Variants in BNC2 observed in about 807,000 individuals in gnomAD.
BNC2 encodes basonuclin zinc finger protein 2.
BNC2 carries 20 observed loss-of-function variants against 76.3 expected under a neutral mutation model. The observed-to-expected ratio is 0.26, with a 90% confidence interval of 0.18 to 0.38. The LOEUF is 0.38. BNC2 is among the 10% of genes least tolerant of loss of function. The pLI, the probability that BNC2 is intolerant of heterozygous loss-of-function variation, is 1.00. For synonymous variants in BNC2, 582 were observed against 514.8 expected (o/e 1.13, Z -1.77); for missense variants, 1,382 against 1,399.8 (o/e 0.99, Z 0.20).
At chr9:16,448,048 G>T (rs541948570) in intron 5 of BNC2, among the ~76,000 whole-genome samples, 1 of 152,200 alleles carries the variant, frequency 6.6e-6, no homozygotes, top group East Asian at 1.9e-4. Context: ...GACAGTCCCT[G>T]CAGCGGCCTT....
rs1820612869 is a variant in BNC2, at chr9:16,417,636, C to A, written c.*1353G>T. ...ATTAGACAGCCATACAACAGACCGACCCAGTTCAGAGGATTTCTTTTTAAA... is the reference window on the plus strand; with the variant it reads ...ATTAGACAGCCATACAACAGACCGAACCAGTTCAGAGGATTTCTTTTTAAA... On this transcript the variant is annotated 3_prime_UTR_variant, in exon 7 of 7. Transcript: ENST00000380672. 1 of 152,512 alleles carries A rather than the reference C, an allele frequency of 6.6e-6. No individual in the cohort carries two copies. Among genetic ancestry groups the A allele is most frequent in the South Asian group, 2.1e-4 (1 of 4,834 alleles). The allele number at this position is 152,512 out of a possible 1,614,324, so 9.4% of individuals were successfully genotyped here. A position where few individuals can be genotyped will look rare whatever the true frequency, so the allele number is the denominator to read the frequency against.
chr9:16,470,195 C>T (rs1821792945), intron 5 of BNC2, among the ~76,000 whole-genome samples: 1 of 151,930 alleles, frequency 6.6e-6, no homozygotes, highest in Non-Finnish European at 1.5e-5. Flanking sequence ...GATGGGGTTT[C>T]ATCATGTTAG....
At chr9:16,862,839 A>G (rs1325850174) in intron 1 of BNC2, among the ~76,000 whole-genome samples, 2 of 152,134 alleles carry the variant, frequency 1.3e-5, no homozygotes, top group Non-Finnish European at 2.9e-5. Context: ...TAAGACACTC[A>G]TGCTTTTTCT....
chr9:16,547,610 A>T (rs1818527117), intron 5 of BNC2, among the ~76,000 whole-genome samples: 1 of 152,206 alleles, frequency 6.6e-6, no homozygotes, highest in South Asian at 2.1e-4. Context: ...TACACTACAA[A>T]AGACCTACAT....
chr9:16,845,583 T>C (rs1243333008), intron 1 of BNC2, among the ~76,000 whole-genome samples: 1 of 151,640 alleles, frequency 6.6e-6, no homozygotes, highest in Non-Finnish European at 1.5e-5. Context: ...TAGCCGGGTG[T>C]AGCGGCGTGG....
chr9:16,468,335 T>C (rs1262625647), intron 5 of BNC2, among the ~76,000 whole-genome samples: 2 of 152,172 alleles, frequency 1.3e-5, no homozygotes, highest in African/African-American at 4.8e-5. Context: ...TAATATGTTT[T>C]GAACATTTGT....
intron 1 of BNC2, among the ~76,000 whole-genome samples, chr9:16,853,024 G>T (rs1350732649): frequency 6.6e-6 from 1 of 152,186 alleles, no homozygotes; most frequent in Admixed American, 6.5e-5. Flanking sequence ...GAAGTCACTG[G>T]AAGGTTGTGA....
At chr9:16,781,293 C>G (rs983807238) in intron 1 of BNC2, among the ~76,000 whole-genome samples, 1 of 140,832 alleles carries the variant, frequency 7.1e-6, no homozygotes, top group Non-Finnish European at 1.6e-5. Context: ...CAATGCATAC[C>G]TACAAAAAAA....
At chr9:16,626,396 T>G (rs569173188) in intron 3 of BNC2, 2 of 152,240 alleles carry the variant, frequency 1.3e-5, no homozygotes, top group African/African-American at 4.8e-5. Context: ...AGTCGAAGTG[T>G]TTTTTCCTGC....
chr9:16,853,553 A>G (rs372919171), intron 1 of BNC2, among the ~76,000 whole-genome samples: 139 of 151,948 alleles, frequency 9.1e-4, no homozygotes, highest in African/African-American at 3.3e-3. Flanking sequence ...CTTTATTTTC[A>G]TTTCAGACAC....
chr9:16,794,890 T>C (rs934443860), intron 1 of BNC2, among the ~76,000 whole-genome samples: 1 of 138,718 alleles, frequency 7.2e-6, no homozygotes. Context: ...CAACAGCTTA[T>C]CTGATGGGGG....
At chr9:16,481,227 C>G (rs1226855230) in intron 5 of BNC2, among the ~76,000 whole-genome samples, 1 of 152,086 alleles carries the variant, frequency 6.6e-6, no homozygotes. Context: ...CCTGTCAAAA[C>G]AGACTACTCG....
chr9:16,506,582 A>G (rs1336463866), intron 5 of BNC2, among the ~76,000 whole-genome samples: 3 of 127,182 alleles, frequency 2.4e-5, no homozygotes, highest in Non-Finnish European at 4.6e-5. Flanking sequence ...TTGGAATGCA[A>G]TGGTGCAATC....
intron 6 of BNC2, chr9:16,430,019 CA>C: frequency 2.0e-6 from 1 of 504,650 alleles, no homozygotes; most frequent in South Asian, 1.5e-5. Context: ...ACCCCAGGGA[CA>C]GGAATGACAC....
At chr9:16,553,262 G>C (rs907129435) in intron 4 of BNC2, among the ~76,000 whole-genome samples, 2 of 152,214 alleles carry the variant, frequency 1.3e-5, no homozygotes, top group African/African-American at 4.8e-5. Context: ...AGGAGGAAGA[G>C]AGTGTTCTTT....
At chr9:16,504,604 C>T (rs995715478) in intron 5 of BNC2, among the ~76,000 whole-genome samples, 1 of 152,142 alleles carries the variant, frequency 6.6e-6, no homozygotes, top group African/African-American at 2.4e-5. Flanking sequence ...TCCATTATCT[C>T]TAGATCTTCT....
At chr9:16,515,862 C>A in intron 5 of BNC2, among the ~76,000 whole-genome samples, 1 of 148,224 alleles carries the variant, frequency 6.7e-6, no homozygotes, top group East Asian at 2.0e-4. Context: ...CTAAGAAATT[C>A]AGAAAAGAGG....
At chr9:16,791,457 T>G (rs1000516141) in intron 1 of BNC2, among the ~76,000 whole-genome samples, 1 of 152,106 alleles carries the variant, frequency 6.6e-6, no homozygotes, top group Non-Finnish European at 1.5e-5. Flanking sequence ...TTGTGTATAT[T>G]AAAATCATGC....
chr9:16,859,332 A>C (rs529989483), intron 1 of BNC2, among the ~76,000 whole-genome samples: 5 of 152,308 alleles, frequency 3.3e-5, no homozygotes, highest in African/African-American at 1.2e-4. Flanking sequence ...TGATCCAGCT[A>C]TCCCACTTCT....
Sources: gnomAD v4.1 joint callset for allele counts (sites outside exome capture counted in the v4.1 genomes callset) on GRCh38, gnomAD v4.1.1 for gene constraint, MANE v1.5 for transcripts, NCBI Gene and HGNC (gene_info 2026-07-23, HGNC 2026-07-21) for gene names.